ELAVL4: variants seen among roughly 807,000 people sequenced by gnomAD.
ELAVL4 encodes the protein ELAV like RNA binding protein 4.
In ELAVL4, 1 loss-of-function variant was observed where a neutral mutation model predicts 35.6. The observed-to-expected ratio is 0.03, with a 90% CI of 0.01 to 0.13. ELAVL4 has a LOEUF of 0.13. ELAVL4 is among the 10% of genes least tolerant of loss of function. The pLI, the probability that ELAVL4 is intolerant of heterozygous loss-of-function variation, is 1.00. For missense variants in ELAVL4, 267 were observed against 464.9 expected, an observed-to-expected ratio of 0.57 and a Z score of 3.91; for synonymous variants, 156 against 171.0, an observed-to-expected ratio of 0.91 and a Z score of 0.69.
intron 1 of ELAVL4, among the ~76,000 whole-genome samples, chr1:50,052,543 C>T (rs768907785): frequency 6.6e-6 from 1 of 152,178 alleles, no homozygotes; most frequent in Admixed American, 6.5e-5. Flanking sequence ...AAACCATTTA[C>T]CACTTTGATA....
At chr1:50,184,753 C>T (rs948959341) in intron 3 of ELAVL4, among the ~76,000 whole-genome samples, 35 of 152,040 alleles carry the variant, frequency 2.3e-4, no homozygotes, top group Admixed American at 1.4e-3. Context: ...AATGAGGCTC[C>T]GATCATCGGA....
upstream of ELAVL4, among the ~76,000 whole-genome samples, chr1:50,102,272 C>T (rs187090040): frequency 1.9e-3 from 279 of 149,890 alleles, 2 homozygotes; most frequent in Non-Finnish European, 2.0e-3. Flanking sequence ...GGCGTCAAAG[C>T]GAGACTCCAT....
chr1:50,110,004 T>G (rs1434933761), intron 1 of ELAVL4: 1 of 635,674 alleles, frequency 1.6e-6, no homozygotes, highest in Non-Finnish European at 2.0e-6. Flanking sequence ...GTCCCAGCCC[T>G]GTGTGTGTGT....
In ELAVL4 at chr1:50,188,609, A is replaced by G. The variant is rs147106555; in HGVS notation, c.355-5156A>G. On this transcript the variant is annotated intron_variant, in intron 3 of 6. Transcript: ENST00000371824. The stretch of plus-strand genomic sequence containing the variant: ...ATAACACTGAACTTTACACTTTGAC[A>G]GACTGACACACCCTGTCACAAGTGC... Among the ~76,000 whole-genome samples the G allele has an allele frequency of 9.8e-5, 15 of 152,320 alleles. No homozygotes were observed. The East Asian group carries it at 2.9e-3, about 29-fold the overall frequency.
chr1:50,142,312 G>A (rs777237389), intron 1 of ELAVL4, among the ~76,000 whole-genome samples: 6 of 152,140 alleles, frequency 3.9e-5, no homozygotes, highest in Non-Finnish European at 7.4e-5. Flanking sequence ...TGATTCTCCT[G>A]CCTCAGCCTC....
intron 2 of ELAVL4, among the ~76,000 whole-genome samples, chr1:50,172,791 G>T (rs1025182983): frequency 1.3e-5 from 2 of 152,134 alleles, no homozygotes; most frequent in Non-Finnish European, 2.9e-5. Context: ...CTCAAACAGG[G>T]TTGTTGAGAG....
chr1:50,154,073 A>C (rs1675290410), intron 2 of ELAVL4, among the ~76,000 whole-genome samples: 1 of 152,206 alleles, frequency 6.6e-6, no homozygotes, highest in Non-Finnish European at 1.5e-5. Flanking sequence ...CATCTTCAAG[A>C]GATAATGAAT....
At chr1:50,114,387 T>A (rs973491126) in intron 1 of ELAVL4, among the ~76,000 whole-genome samples, 2 of 152,004 alleles carry the variant, frequency 1.3e-5, no homozygotes, top group South Asian at 2.1e-4. Context: ...ATTAGGAACA[T>A]CCTTATATTT....
At chr1:50,157,975 C>A (rs967153518) in intron 2 of ELAVL4, among the ~76,000 whole-genome samples, 1 of 152,156 alleles carries the variant, frequency 6.6e-6, no homozygotes, top group African/African-American at 2.4e-5. Flanking sequence ...TAATCCAGCA[C>A]GGTGCTAGAC....
intron 1 of ELAVL4, among the ~76,000 whole-genome samples, chr1:50,095,888 A>G (rs979734574): frequency 6.6e-6 from 1 of 152,194 alleles, no homozygotes; most frequent in African/African-American, 2.4e-5. Context: ...CATGAGCTCA[A>G]TGGATTTGTT....
intron 1 of ELAVL4, among the ~76,000 whole-genome samples, chr1:50,092,594 A>C (rs983230872): frequency 3.3e-5 from 5 of 152,040 alleles, no homozygotes; most frequent in African/African-American, 1.2e-4. Context: ...TTGATTATGT[A>C]CTCTTGCCTT....
intron 1 of ELAVL4, among the ~76,000 whole-genome samples, chr1:50,096,472 AG>A (rs1188401873): frequency 2.7e-5 from 4 of 150,806 alleles, no homozygotes; most frequent in Non-Finnish European, 5.9e-5. Flanking sequence ...AGCTGTGTAT[AG>A]GGAAAGGAAT....
At chr1:50,111,044 T>C (rs1250592543) in intron 1 of ELAVL4, among the ~76,000 whole-genome samples, 1 of 152,140 alleles carries the variant, frequency 6.6e-6, no homozygotes, top group Non-Finnish European at 1.5e-5. Context: ...TTATTCGTTA[T>C]TAATAGGTGT....
chr1:50,177,997 G>A (rs1680348577), intron 3 of ELAVL4, among the ~76,000 whole-genome samples: 1 of 152,166 alleles, frequency 6.6e-6, no homozygotes, highest in African/African-American at 2.4e-5. Flanking sequence ...TTCACCTATG[G>A]GATCCTTCAG....
At chr1:50,117,355 A>G (rs868465620) in intron 1 of ELAVL4, among the ~76,000 whole-genome samples, 34 of 152,248 alleles carry the variant, frequency 2.2e-4, no homozygotes, top group South Asian at 2.1e-4. Context: ...TGGCAAGGCT[A>G]TCTCAGAGAC....
At chr1:50,127,749 G>A (rs973921852) in intron 1 of ELAVL4, among the ~76,000 whole-genome samples, 1 of 152,092 alleles carries the variant, frequency 6.6e-6, no homozygotes, top group Admixed American at 6.5e-5. Context: ...ACACAGAATG[G>A]TTAAGTGACT....
At position 50,201,381 on chromosome 1, in the gene ELAVL4, A is replaced by T; in HGVS notation, c.*203A>T. The T allele has an allele frequency of 2.5e-6, 1 of 397,636 alleles. No homozygotes were observed. The highest frequency in any genetic ancestry group is 4.1e-6 in the Non-Finnish European group (1 of 244,192). The allele number at this position is 397,636 out of a possible 1,614,324, so 24.6% of individuals were successfully genotyped here. ...ACCAGGAAAGGATTTTATAATGCTT[A>T]GAAAAAAAGAAAAAAAAAAAACAAA... On this transcript the variant is annotated 3_prime_UTR_variant, in exon 7 of 7. Transcript: ENST00000371824. This position sits in a 1 kb window ranked among gnomAD's most constrained non-coding sequence, Gnocchi z 4.3.
intron 1 of ELAVL4, among the ~76,000 whole-genome samples, chr1:50,138,026 C>T (rs934604608): frequency 1.3e-5 from 2 of 152,144 alleles, no homozygotes; most frequent in Non-Finnish European, 1.5e-5. Flanking sequence ...CTATTCTTTT[C>T]CTTTTGACTC....
At position 50,201,302 on chromosome 1, in the gene ELAVL4, A is replaced by G; in HGVS notation, c.*124A>G. 2.5e-6 allele frequency: 3 copies of G among 1,223,962 alleles called. No individual in the cohort carries two copies. The highest frequency in any genetic ancestry group is 3.3e-6 in the Non-Finnish European group (3 of 922,318). 75.8% of individuals were successfully genotyped at this position (1,223,962 alleles called of 1,614,324 possible). ...TTTCAAGGCTTATATTCAACCATGGACTTTATAAGCCAGTGTTGCCTAAGT... is the reference window on the plus strand; with the variant it reads ...TTTCAAGGCTTATATTCAACCATGGGCTTTATAAGCCAGTGTTGCCTAAGT... On this transcript the variant is annotated 3_prime_UTR_variant, in exon 7 of 7. Transcript: ENST00000371824. This position sits in a 1 kb window ranked among gnomAD's most constrained non-coding sequence, Gnocchi z 4.3.
Sources: gnomAD v4.1 joint callset for allele counts (sites outside exome capture counted in the v4.1 genomes callset) on GRCh38, gnomAD v4.1.1 for gene constraint, Gnocchi (gnomAD v3.1) non-coding constraint, MANE v1.5 for transcripts, NCBI Gene and HGNC (gene_info 2026-07-23, HGNC 2026-07-21) for gene names.